Variants in SLC67A1 observed in about 807,000 individuals in gnomAD.
SLC67A1 encodes solute carrier family 67 member 1.
the SLC67A1 span, chr11:2,909,754 C>G: frequency 3.5e-6 from 5 of 1,416,318 alleles, no homozygotes; most frequent in Non-Finnish European, 4.6e-6. Context: ...TCAGGACGCC[C>G]GCGGCTGGGT....
chr11:2,899,829 A>C, the SLC67A1 span: 1 of 1,044,780 alleles, frequency 9.6e-7, no homozygotes, highest in Non-Finnish European at 1.3e-6. Context: ...CATCTCCACC[A>C]CACCTCAGCG....
the SLC67A1 span, among the ~76,000 whole-genome samples, chr11:2,915,527 G>A: frequency 5.6e-4 from 86 of 152,316 alleles, no homozygotes; most frequent in African/African-American, 1.8e-3. Flanking sequence ...ACATTTGTCC[G>A]ATCATCTAAT....
chr11:2,905,199 G>A, the SLC67A1 span, among the ~76,000 whole-genome samples: 1 of 152,198 alleles, frequency 6.6e-6, no homozygotes, highest in African/African-American at 2.4e-5. Flanking sequence ...AGACGGTCAT[G>A]GGCTGGGCTC....
At chr11:2,903,492 G>A in the SLC67A1 span, 3 of 1,613,136 alleles carry the variant, frequency 1.9e-6, no homozygotes, top group Non-Finnish European at 2.5e-6. Context: ...TCGTGCCAGT[G>A]AGTAACACAC....
the SLC67A1 span, chr11:2,899,723 C>CAAA: frequency 7.0e-7 from 1 of 1,435,428 alleles, no homozygotes; most frequent in East Asian, 2.5e-5. Flanking sequence ...CTGTTCATGA[C>CAAA]AAAAAAAAAG....
At chr11:2,912,411 G>C in the SLC67A1 span, among the ~76,000 whole-genome samples, 5 of 152,254 alleles carry the variant, frequency 3.3e-5, no homozygotes, top group Non-Finnish European at 7.3e-5. Flanking sequence ...CTGGCTCCTG[G>C]CCTGGTGCGG....
At chr11:2,909,176 A>T in the SLC67A1 span, 4 of 1,487,712 alleles carry the variant, frequency 2.7e-6, no homozygotes, top group East Asian at 1.0e-4. Flanking sequence ...TGAGGGTCCG[A>T]CCCGCCCCTC....
At chr11:2,909,284 A>C in the SLC67A1 span, 20 of 1,534,580 alleles carry the variant, frequency 1.3e-5, no homozygotes, top group Non-Finnish European at 1.7e-5. Flanking sequence ...GGCCGCCTCC[A>C]GCCCGGCCCT....
chr11:2,901,406 G>A, the SLC67A1 span, among the ~76,000 whole-genome samples: 36 of 152,374 alleles, frequency 2.4e-4, 1 homozygote, highest in South Asian at 6.6e-3. Context: ...TCTGTGGAGC[G>A]ATGATTGACA....
At chr11:2,902,737 G>A in the SLC67A1 span, 2 of 985,454 alleles carry the variant, frequency 2.0e-6, no homozygotes, top group Non-Finnish European at 2.4e-6. Flanking sequence ...GAGCTACTGG[G>A]GAGCCTGGAA....
At chr11:2,907,360 G>A in the SLC67A1 span, among the ~76,000 whole-genome samples, 2 of 152,208 alleles carry the variant, frequency 1.3e-5, no homozygotes, top group African/African-American at 2.4e-5. The surrounding 1 kb of genome is among the most constrained non-coding windows in gnomAD (Gnocchi z 6.7). Flanking sequence ...ACCCACGGGG[G>A]AGGATCCTTC....
chr11:2,906,928 G>A, the SLC67A1 span, among the ~76,000 whole-genome samples: 1 of 151,952 alleles, frequency 6.6e-6, no homozygotes, highest in Non-Finnish European at 1.5e-5. Context: ...CACTAGCGGC[G>A]CTGGGGAGGG....
chr11:2,924,911 G>C, the SLC67A1 span: 4 of 1,107,094 alleles, frequency 3.6e-6, no homozygotes, highest in Middle Eastern at 3.1e-4. This position sits in a 1 kb window ranked among gnomAD's most constrained non-coding sequence, Gnocchi z 8.6. Context: ...GTGAGGTCAG[G>C]GTGGGTCAGG....
the SLC67A1 span, chr11:2,916,898 T>G: frequency 3.1e-6 from 2 of 636,694 alleles, no homozygotes; most frequent in Non-Finnish European, 5.6e-6. Flanking sequence ...GCTGCTGACA[T>G]CATAGAAGCC....
chr11:2,914,214 A>G, the SLC67A1 span, among the ~76,000 whole-genome samples: 1 of 152,066 alleles, frequency 6.6e-6, no homozygotes, highest in Non-Finnish European at 1.5e-5. Flanking sequence ...AGACAAATTA[A>G]CCTGTCCCCA....
At chr11:2,915,955 G>A in the SLC67A1 span, among the ~76,000 whole-genome samples, 3 of 152,242 alleles carry the variant, frequency 2.0e-5, no homozygotes, top group Admixed American at 6.5e-5. Flanking sequence ...GGAAGCTGAC[G>A]GTACAGCCAG....
At chr11:2,925,206 C>G in the SLC67A1 span, 1 of 1,609,976 alleles carries the variant, frequency 6.2e-7, no homozygotes, top group South Asian at 1.1e-5. The surrounding 1 kb of genome is among the most constrained non-coding windows in gnomAD (Gnocchi z 6.5). Flanking sequence ...GACCGCTGCC[C>G]AGACACAGAC....
At chr11:2,909,299 G>T in the SLC67A1 span, 1 of 1,534,168 alleles carries the variant, frequency 6.5e-7, no homozygotes. Flanking sequence ...GGCCCTGCCC[G>T]GGGTCTACCT....
chr11:2,912,424 C>A, the SLC67A1 span, among the ~76,000 whole-genome samples: 1 of 152,258 alleles, frequency 6.6e-6, no homozygotes, highest in South Asian at 2.1e-4. Context: ...TGGTGCGGGG[C>A]AGGAGTCTGG....
Sources: gnomAD v4.1 joint callset for allele counts (sites outside exome capture counted in the v4.1 genomes callset) on GRCh38, gnomAD v4.1.1 for gene constraint, Gnocchi (gnomAD v3.1) non-coding constraint, MANE v1.5 for transcripts, NCBI Gene and HGNC (gene_info 2026-07-23, HGNC 2026-07-21) for gene names.